Variants in CCND3 observed in about 807,000 individuals in gnomAD.
The protein encoded by CCND3 is cyclin D3, also known as G1/S-specific cyclin-D3.
In CCND3, 9 loss-of-function variants were observed where a neutral mutation model predicts 28.7. The observed-to-expected ratio is 0.31, with a 90% CI of 0.19 to 0.55. CCND3 has a LOEUF of 0.55. CCND3 is among the 20% of genes least tolerant of loss of function. CCND3 has a pLI of 0.93. For synonymous variants in CCND3, 164 were observed against 163.9 expected (o/e 1.00, Z 0.00); for missense variants, 315 against 385.8 (o/e 0.82, Z 1.54).
intron 1 of CCND3, among the ~76,000 whole-genome samples, chr6:41,981,024 A>C (rs1299802565): frequency 1.3e-5 from 2 of 152,132 alleles, no homozygotes; most frequent in African/African-American, 4.8e-5. Context: ...TGGAAGTCCT[A>C]GCTAATGCAA....
chr6:42,007,469 G>A (rs1183879906), intron 1 of CCND3, among the ~76,000 whole-genome samples: 2 of 152,150 alleles, frequency 1.3e-5, no homozygotes, highest in Non-Finnish European at 2.9e-5. Flanking sequence ...ACCTTTAAAC[G>A]GGCAATTTTT....
At chr6:41,968,270 T>C (rs1369840336) in intron 1 of CCND3, among the ~76,000 whole-genome samples, 1 of 152,220 alleles carries the variant, frequency 6.6e-6, no homozygotes, top group Non-Finnish European at 1.5e-5. Context: ...CTAATCCTAA[T>C]ATCTTTATGA....
At chr6:42,006,549 C>T (rs1045241527) in intron 1 of CCND3, among the ~76,000 whole-genome samples, 7 of 151,936 alleles carry the variant, frequency 4.6e-5, no homozygotes, top group African/African-American at 1.7e-4. Flanking sequence ...TGAAAAAAAA[C>T]AACTTCATTA....
At chr6:42,000,365 C>G (rs1255561367) in intron 1 of CCND3, among the ~76,000 whole-genome samples, 8 of 144,728 alleles carry the variant, frequency 5.5e-5, no homozygotes, top group South Asian at 2.2e-4. Context: ...TCAGCCTCTC[C>G]GAGTAGCTGG....
intron 1 of CCND3, among the ~76,000 whole-genome samples, chr6:41,954,624 C>T (rs1393181013): frequency 1.3e-5 from 2 of 151,938 alleles, no homozygotes; most frequent in Non-Finnish European, 2.9e-5. Context: ...GTCTTGAACT[C>T]CTGGCCTCCA....
chr6:41,947,220 C>CAA (rs777778608), intron 1 of CCND3, among the ~76,000 whole-genome samples: 2 of 122,570 alleles, frequency 1.6e-5, no homozygotes, highest in African/African-American at 3.0e-5. Flanking sequence ...GACTCCGTCT[C>CAA]AAAAAAAAAA....
chr6:41,949,864 G>A (rs983179377), intron 1 of CCND3, among the ~76,000 whole-genome samples: 2 of 151,888 alleles, frequency 1.3e-5, no homozygotes, highest in African/African-American at 4.8e-5. Flanking sequence ...GGAGGCCGAG[G>A]CGGGCGGATC....
At chr6:42,012,041 G>T (rs1352518749) in intron 1 of CCND3, among the ~76,000 whole-genome samples, 1 of 152,138 alleles carries the variant, frequency 6.6e-6, no homozygotes, top group African/African-American at 2.4e-5. Flanking sequence ...CTCATTTTTT[G>T]ACTTTGCTTA....
chr6:41,976,343 C>A (rs576466795), intron 1 of CCND3, among the ~76,000 whole-genome samples: 13 of 150,034 alleles, frequency 8.7e-5, no homozygotes, highest in Non-Finnish European at 1.9e-4. Flanking sequence ...CAGAGCAAGA[C>A]TCTGTCAAAA....
At chr6:42,002,284 G>A (rs989411550) in intron 1 of CCND3, among the ~76,000 whole-genome samples, 3 of 150,702 alleles carry the variant, frequency 2.0e-5, no homozygotes, top group Non-Finnish European at 3.0e-5. Flanking sequence ...TATCTCTACT[G>A]AAAATACAAA....
chr6:42,009,963 G>A (rs1298277404), intron 1 of CCND3, among the ~76,000 whole-genome samples: 2 of 152,134 alleles, frequency 1.3e-5, no homozygotes, highest in African/African-American at 4.8e-5. Context: ...AGCAATCAGT[G>A]CCCTCCAAGC....
At chr6:41,937,651 T>C (rs1382487156) in intron 2 of CCND3, 3 of 518,886 alleles carry the variant, frequency 5.8e-6, no homozygotes, top group Middle Eastern at 1.1e-3. Flanking sequence ...CTTTTAATCC[T>C]GTCTGGTTAT....
chr6:42,013,985 T>C (rs750408595), intron 1 of CCND3, among the ~76,000 whole-genome samples: 2 of 151,484 alleles, frequency 1.3e-5, no homozygotes, highest in Non-Finnish European at 1.5e-5. Flanking sequence ...GGCAGGAGAA[T>C]GGCGTGAACC....
chr6:41,972,079 T>C (rs1445621157), intron 1 of CCND3, among the ~76,000 whole-genome samples: 1 of 149,984 alleles, frequency 6.7e-6, no homozygotes, highest in Non-Finnish European at 1.5e-5. Flanking sequence ...TACAAAAAAA[T>C]TAGCTGGGCG....
chr6:42,025,803 G>C (rs1406603556), intron 1 of CCND3, among the ~76,000 whole-genome samples: 1 of 152,196 alleles, frequency 6.6e-6, no homozygotes, highest in Non-Finnish European at 1.5e-5. Flanking sequence ...GGAAAACAAG[G>C]CTTATAAGCT....
chr6:41,936,227 GC>G lies in CCND3; in HGVS notation c.712-121del. On this transcript the variant is annotated intron_variant, in intron 4 of 4. Transcript: ENST00000372991. The surrounding 1 kb of genome is among the most constrained non-coding windows in gnomAD (Gnocchi z 4.4). ...TCTGGGGAGGTTAGGCCACAGCCCG[GC>G]CCCAGGAATCGCTCTTTAGTTCTCA... The G allele has an allele frequency of 9.0e-7, 1 of 1,114,994 alleles. No homozygotes were observed. Among genetic ancestry groups the G allele is most frequent in the Non-Finnish European group, 1.3e-6 (1 of 792,736 alleles). The allele number at this position is 1,114,994 out of a possible 1,614,324, so 69.1% of individuals were successfully genotyped here. A position where few individuals can be genotyped will look rare whatever the true frequency, so the allele number is the denominator to read the frequency against.
At chr6:41,964,475 AGTGTGTGTGAATGTGTGT>A (rs1761819140) in intron 1 of CCND3, among the ~76,000 whole-genome samples, 2 of 108,056 alleles carry the variant, frequency 1.9e-5, no homozygotes, top group African/African-American at 8.2e-5. Flanking sequence ...TGTGTGTGTG[AGTGTGTGTGAATGTGTGT>A]GTGTGAGTGT....
chr6:42,000,756 G>A (rs1389044370), intron 1 of CCND3, among the ~76,000 whole-genome samples: 18 of 142,624 alleles, frequency 1.3e-4, no homozygotes, highest in Admixed American at 5.0e-4. Context: ...TAGTAGAGAC[G>A]GGGTTTCTCC....
intron 1 of CCND3, chr6:42,030,329 T>C (rs1764008210): frequency 6.6e-6 from 1 of 152,234 alleles, no homozygotes; most frequent in African/African-American, 2.4e-5. Context: ...TAGAAAGTAA[T>C]ATGGGGTGTT....
Sources: gnomAD v4.1 joint callset for allele counts (sites outside exome capture counted in the v4.1 genomes callset) on GRCh38, gnomAD v4.1.1 for gene constraint, Gnocchi (gnomAD v3.1) non-coding constraint, MANE v1.5 for transcripts, NCBI Gene and HGNC (gene_info 2026-07-23, HGNC 2026-07-21) for gene names.